NEK1: variants seen among roughly 807,000 people sequenced by gnomAD.
NEK1 encodes the protein NIMA related kinase 1.
In NEK1, 137 loss-of-function variants were observed where a neutral mutation model predicts 182.1. The observed-to-expected ratio is 0.75, with a 90% CI of 0.65 to 0.87. NEK1 has a LOEUF of 0.87. NEK1 is among the 40% of genes least tolerant of loss of function. The pLI, the probability that NEK1 is intolerant of heterozygous loss-of-function variation, is 0.00. For missense variants in NEK1, 1,391 were observed against 1,494.4 expected, an observed-to-expected ratio of 0.93 and a Z score of 1.14; for synonymous variants, 513 against 492.2, an observed-to-expected ratio of 1.04 and a Z score of -0.56.
intron 12 of NEK1, among the ~76,000 whole-genome samples, chr4:169,570,148 C>T (rs1208679167): frequency 1.3e-5 from 2 of 151,618 alleles, no homozygotes; most frequent in Non-Finnish European, 2.9e-5. Flanking sequence ...CCCGCCGCCC[C>T]GTCTGGGATG....
chr4:169,471,870 G>A (rs191402640), intron 26 of NEK1, among the ~76,000 whole-genome samples: 164 of 152,212 alleles, frequency 1.1e-3, no homozygotes, highest in African/African-American at 3.7e-3. Context: ...TGGCTACAGC[G>A]GCTTTGCCAT....
At chr4:169,510,717 G>A (rs1247656288) in intron 19 of NEK1, among the ~76,000 whole-genome samples, 8 of 152,226 alleles carry the variant, frequency 5.3e-5, no homozygotes, top group African/African-American at 1.7e-4. Context: ...AAAGCCATTT[G>A]TGATCTCGCC....
At chr4:169,487,495 G>T (rs190757395) in intron 23 of NEK1, among the ~76,000 whole-genome samples, 1 of 152,246 alleles carries the variant, frequency 6.6e-6, no homozygotes, top group East Asian at 1.9e-4. Flanking sequence ...ACATGTTCTT[G>T]TTCCTTTCTG....
chr4:169,609,020 C>G (rs1459737449), intron 2 of NEK1, among the ~76,000 whole-genome samples: 1 of 146,252 alleles, frequency 6.8e-6, no homozygotes, highest in South Asian at 2.2e-4. Flanking sequence ...GAGATCACAC[C>G]ACTCCACTCC....
intron 11 of NEK1, 60 bp downstream of exon 11, chr4:169,580,780 CCA>C (rs1766505966): frequency 3.1e-6 from 3 of 956,204 alleles, no homozygotes; most frequent in Non-Finnish European, 4.9e-6. Context: ...ACATATATTT[CCA>C]GTTTAATTAG....
chr4:169,521,890 C>T (rs1210952765), intron 19 of NEK1, among the ~76,000 whole-genome samples: 6 of 152,004 alleles, frequency 3.9e-5, no homozygotes, highest in Non-Finnish European at 7.4e-5. Flanking sequence ...AGTGTGGATT[C>T]GAGTTTATCT....
chr4:169,587,836 T>C (rs1380197034), intron 8 of NEK1, among the ~76,000 whole-genome samples: 1 of 152,046 alleles, frequency 6.6e-6, no homozygotes, highest in East Asian at 1.9e-4. Context: ...ATTAAAGAAA[T>C]TTAATATTTA....
intron 27 of NEK1, among the ~76,000 whole-genome samples, chr4:169,459,709 G>T (rs963188343): frequency 2.6e-5 from 4 of 152,088 alleles, no homozygotes; most frequent in African/African-American, 9.7e-5. Context: ...AAAAAGTAAT[G>T]AGCTATTGAG....
At chr4:169,451,621 G>C (rs1331154915) in intron 27 of NEK1, among the ~76,000 whole-genome samples, 1 of 152,056 alleles carries the variant, frequency 6.6e-6, no homozygotes, top group African/African-American at 2.4e-5. Context: ...AGAATCCCTG[G>C]GACACATTTA....
chr4:169,471,193 G>A (rs1235966814), intron 26 of NEK1, among the ~76,000 whole-genome samples: 1 of 152,192 alleles, frequency 6.6e-6, no homozygotes, highest in Non-Finnish European at 1.5e-5. Flanking sequence ...CTTTGGAGGA[G>A]AAGAGGCATT....
chr4:169,432,105 A>C (rs1737558671), intron 29 of NEK1, among the ~76,000 whole-genome samples: 1 of 152,174 alleles, frequency 6.6e-6, no homozygotes, highest in South Asian at 2.1e-4. Flanking sequence ...GAAAATTCAC[A>C]GACAAGGAAG....
intron 26 of NEK1, among the ~76,000 whole-genome samples, chr4:169,466,575 A>C (rs1161198576): frequency 1.3e-5 from 2 of 152,102 alleles, no homozygotes; most frequent in African/African-American, 4.8e-5. Flanking sequence ...ATATCTTTGC[A>C]AAAGGAAGGC....
At chr4:169,552,349 A>C (rs1257408720) in intron 18 of NEK1, among the ~76,000 whole-genome samples, 3 of 151,768 alleles carry the variant, frequency 2.0e-5, no homozygotes, top group Non-Finnish European at 2.9e-5. Flanking sequence ...TCACATGATC[A>C]TATCTATACA....
Position 169,401,693 on chromosome 4 carries a change from T to C in NEK1, c.3542A>G (p.Asn1181Ser), listed in dbSNP as rs766289659. 8 of 1,613,920 alleles carry C rather than the reference T, an allele frequency of 5.0e-6. No individual in the cohort carries two copies. The East Asian group carries it at 6.7e-5, about 13-fold the overall frequency. ...GTTCAGGGCACTTTCACTGCTGGGA[T>C]TGTCATCTTCATCTGCCACATCTGT... ...NGTDVADEDD[N>S]PSSESALNEE... The change falls in exon 33 of 36, where the codon AAT becomes AGT. Residue 1181 changes from asparagine to serine, a missense_variant. Transcript: ENST00000507142.
rs2111010790 is a variant in NEK1, at chr4:169,400,569, C to T, written c.3666G>A (p.Glu1222=). 6.2e-7 allele frequency: 1 copy of T among 1,608,948 alleles called. No individual in the cohort carries two copies. The highest frequency in any genetic ancestry group is 8.5e-7 in the Non-Finnish European group (1 of 1,177,956). The change falls in exon 34 of 36, where the codon GAG becomes GAA. Residue 1222 remains glutamate, a synonymous_variant. Transcript: ENST00000507142. ...NHLEELRLHL[E]QEMGFEKFFE... is the part of the protein sequence containing the mutation. ...AGAATTTTTCAAAGCCCATTTCCTGCTCCAGATGAAGTCTCAGTTCCTCTA... is the reference window on the plus strand; with the variant it reads ...AGAATTTTTCAAAGCCCATTTCCTGTTCCAGATGAAGTCTCAGTTCCTCTA...
intron 22 of NEK1, 23 bp from the exon 23 acceptor site, chr4:169,507,155 AAAT>A: frequency 6.7e-7 from 1 of 1,501,076 alleles, no homozygotes; most frequent in Non-Finnish European, 9.0e-7. Context: ...ACAATTAACA[AAAT>A]GAGTTACCAG....
At chr4:169,566,502 CT>C (rs1763702396) in intron 12 of NEK1, among the ~76,000 whole-genome samples, 1 of 152,112 alleles carries the variant, frequency 6.6e-6, no homozygotes, top group Non-Finnish European at 1.5e-5. Flanking sequence ...GGAGCTCCCT[CT>C]GGTGGCTTAA....
At chr4:169,595,072 T>C (rs1443061733) in intron 5 of NEK1, among the ~76,000 whole-genome samples, 2 of 152,136 alleles carry the variant, frequency 1.3e-5, no homozygotes, top group Non-Finnish European at 2.9e-5. Context: ...GCCAAACTAC[T>C]GGCACTTCAG....
At chr4:169,549,421 C>T (rs776634527) in intron 18 of NEK1, among the ~76,000 whole-genome samples, 1 of 152,088 alleles carries the variant, frequency 6.6e-6, no homozygotes, top group African/African-American at 2.4e-5. Flanking sequence ...TGCCAGCTGC[C>T]CATCTTTTGT....
Sources: gnomAD v4.1 joint callset for allele counts (sites outside exome capture counted in the v4.1 genomes callset) on GRCh38, gnomAD v4.1.1 for gene constraint, MANE v1.5 for transcripts, NCBI Gene and HGNC (gene_info 2026-07-23, HGNC 2026-07-21) for gene names.